Variants in SESN3 observed in about 807,000 individuals in gnomAD.
SESN3 encodes the protein sestrin 3.
In SESN3, 21 loss-of-function variants were observed where a neutral mutation model predicts 55.3. That is an observed-to-expected ratio of 0.38 (90% CI 0.27 to 0.55). The LOEUF is 0.55. Among genes scored for constraint, SESN3 ranks in the 20% least tolerant of loss-of-function variants. SESN3 has a pLI of 0.76. For missense variants in SESN3, 408 were observed against 604.3 expected, an observed-to-expected ratio of 0.68 and a Z score of 3.41; for synonymous variants, 181 against 203.1, an observed-to-expected ratio of 0.89 and a Z score of 0.93.
intron 4 of SESN3, 44 bp downstream of exon 4, chr11:95,189,735 A>T: frequency 7.1e-7 from 1 of 1,404,556 alleles, no homozygotes. Context: ...TTTAAAATTA[A>T]GTCCTAAGCA....
intron 8 of SESN3, among the ~76,000 whole-genome samples, chr11:95,177,363 CAAACCAG>C (rs1410294558): frequency 1.3e-5 from 2 of 152,084 alleles, no homozygotes; most frequent in African/African-American, 2.4e-5. Context: ...ACTAACTAAA[CAAACCAG>C]AATTTATTAT....
At chr11:95,185,013 C>T (rs868063063) in intron 5 of SESN3, among the ~76,000 whole-genome samples, 4 of 151,934 alleles carry the variant, frequency 2.6e-5, no homozygotes, top group Non-Finnish European at 4.4e-5. Flanking sequence ...CATTAAAAGC[C>T]TATGATCACT....
chr11:95,216,620 G>A (rs187301887), intron 1 of SESN3, among the ~76,000 whole-genome samples: 24 of 152,106 alleles, frequency 1.6e-4, no homozygotes, highest in African/African-American at 5.5e-4. Flanking sequence ...TATCATTGAG[G>A]TGCTTATTAT....
chr11:95,208,679 G>A (rs1011977280), intron 1 of SESN3, among the ~76,000 whole-genome samples: 3 of 151,374 alleles, frequency 2.0e-5, no homozygotes, highest in South Asian at 2.1e-4. Flanking sequence ...ATACTACAAG[G>A]CTACAGTAAC....
At position 95,175,691 on chromosome 11, in the gene SESN3, A is replaced by C. The variant is rs181211187; in HGVS notation, c.1248-49T>G. The C allele has an allele frequency of 4.1e-6, 6 of 1,473,822 alleles. No homozygotes were observed. In the African/African-American group the frequency reaches 8.4e-5, roughly 21 times the overall value. The allele number at this position is 1,473,822 out of a possible 1,614,324, so 91.3% of individuals were successfully genotyped here. A position where few individuals can be genotyped will look rare whatever the true frequency, so the allele number is the denominator to read the frequency against. ...TTATAATGACAAAATCAAAATATTT[A>C]GTTTCCAAAGTTATACTAAGGACAT... On this transcript the variant is annotated intron_variant, in intron 8 of 9. Transcript: ENST00000536441.
chr11:95,169,557 C>G lies in SESN3; in HGVS notation c.*3698G>C, dbSNP rs1420150106. On this transcript the variant is annotated 3_prime_UTR_variant, in exon 10 of 10. Coordinates refer to ENST00000536441, the MANE Select transcript of SESN3 (RefSeq NM_144665.4). ...TTTAGAATTGTCTTTAAAATACAACCTAAAACACCTTATTTTGCTAACACA... is the reference window on the plus strand; with the variant it reads ...TTTAGAATTGTCTTTAAAATACAACGTAAAACACCTTATTTTGCTAACACA... The G allele has an allele frequency of 6.6e-6, 1 of 152,104 alleles. No individual in the cohort carries two copies. Among genetic ancestry groups the G allele is most frequent in the Non-Finnish European group, 1.5e-5 (1 of 68,012 alleles). The allele number at this position is 152,104 out of a possible 1,614,324, so 9.4% of individuals were successfully genotyped here.
chr11:95,206,944 T>A (rs1262265266), intron 1 of SESN3, among the ~76,000 whole-genome samples: 1 of 150,492 alleles, frequency 6.6e-6, no homozygotes, highest in Non-Finnish European at 1.5e-5. Flanking sequence ...TACAGAGGCA[T>A]TTTTTTTTGT....
chr11:95,231,359 G>C (rs1439695513), upstream of SESN3: 1 of 383,432 alleles, frequency 2.6e-6, no homozygotes, highest in Non-Finnish European at 4.6e-6. Flanking sequence ...AATCGCAGGG[G>C]CCGAGGAAGC....
chr11:95,173,995 G>A (rs1859905679), intron 9 of SESN3, among the ~76,000 whole-genome samples: 1 of 152,096 alleles, frequency 6.6e-6, no homozygotes, highest in South Asian at 2.1e-4. Flanking sequence ...TGGATATGTG[G>A]TTGGATATAT....
chr11:95,201,305 A>T (rs1024654817), intron 1 of SESN3: 1 of 152,080 alleles, frequency 6.6e-6, no homozygotes. Context: ...AGTAGTACTC[A>T]TTGTAGTAGA....
chr11:95,216,244 G>C (rs1860755170), intron 1 of SESN3, among the ~76,000 whole-genome samples: 1 of 151,784 alleles, frequency 6.6e-6, no homozygotes, highest in Non-Finnish European at 1.5e-5. Context: ...AATGTGTTAA[G>C]ATGACTATAA....
chr11:95,184,279 A>G (rs1342643448), intron 6 of SESN3, 141 bp downstream of exon 6: 2 of 683,654 alleles, frequency 2.9e-6, no homozygotes, highest in Non-Finnish European at 5.0e-6. Flanking sequence ...AAGCAATAGC[A>G]TGAGGGTAAG....
upstream of SESN3, chr11:95,232,042 C>T (rs1012134451): frequency 2.0e-5 from 3 of 152,242 alleles, no homozygotes; most frequent in Non-Finnish European, 4.4e-5. Context: ...CTTGTTTTCT[C>T]ACCCAAAAGA....
chr11:95,229,643 T>C (rs994449396), intron 1 of SESN3, among the ~76,000 whole-genome samples: 2 of 152,210 alleles, frequency 1.3e-5, no homozygotes, highest in Non-Finnish European at 2.9e-5. Flanking sequence ...ATATTTGAGC[T>C]TGCTTACTTA....
intron 1 of SESN3, among the ~76,000 whole-genome samples, chr11:95,200,163 C>T (rs779329007): frequency 2.0e-5 from 3 of 151,856 alleles, no homozygotes; most frequent in Non-Finnish European, 4.4e-5. Context: ...ACAACAACAA[C>T]GACAAAAAAG....
chr11:95,173,002 A>G lies in SESN3; in HGVS notation c.*253T>C. 1 of 385,638 alleles carries G rather than the reference A, an allele frequency of 2.6e-6. No individual in the cohort carries two copies. Among genetic ancestry groups the G allele is most frequent in the Non-Finnish European group, 4.7e-6 (1 of 211,694 alleles). The allele number at this position is 385,638 out of a possible 1,614,324, so 23.9% of individuals were successfully genotyped here. A position where few individuals can be genotyped will look rare whatever the true frequency, so the allele number is the denominator to read the frequency against. On this transcript the variant is annotated 3_prime_UTR_variant, in exon 10 of 10. Transcript: ENST00000536441. ...TTCATGATTTATGATCAGTATCCAA[A>G]ACTCCAACTACAAACAATGCAAAGT...
intron 2 of SESN3, among the ~76,000 whole-genome samples, chr11:95,192,699 GA>G (rs1860290318): frequency 6.6e-6 from 1 of 151,876 alleles, no homozygotes; most frequent in Admixed American, 6.6e-5. Flanking sequence ...CATAATGTTT[GA>G]AAAGTATAAA....
chr11:95,170,438 C>CACTT lies in SESN3; in HGVS notation c.*2813_*2816dup, dbSNP rs1382026224. ...CATTCACATGTGCTTTTCTCACGTA[C>CACTT]ACTTGCACATTTAAGTTTGGCACAA... On this transcript the variant is annotated 3_prime_UTR_variant, in exon 10 of 10. Transcript: ENST00000536441. 1 of 152,182 alleles carries CACTT rather than the reference C, an allele frequency of 6.6e-6. No individual in the cohort carries two copies. The highest frequency in any genetic ancestry group is 1.5e-5 in the Non-Finnish European group (1 of 68,026). The allele number at this position is 152,182 out of a possible 1,614,324, so 9.4% of individuals were successfully genotyped here. A position where few individuals can be genotyped will look rare whatever the true frequency, so the allele number is the denominator to read the frequency against.
intron 2 of SESN3, among the ~76,000 whole-genome samples, chr11:95,192,513 T>C (rs1395503787): frequency 6.6e-6 from 1 of 152,092 alleles, no homozygotes; most frequent in Non-Finnish European, 1.5e-5. Context: ...ACTTTATTAA[T>C]AGCAGAGTCT....
Sources: allele counts gnomAD v4.1 joint callset (sites outside exome capture counted in the v4.1 genomes callset), GRCh38; gene constraint gnomAD v4.1.1; transcripts MANE v1.5; gene names NCBI Gene and HGNC (gene_info 2026-07-23, HGNC 2026-07-21).